MTCL1: variants seen among roughly 807,000 people sequenced by gnomAD.
The protein encoded by MTCL1 is microtubule crosslinking factor 1.
MTCL1 carries 79 observed loss-of-function variants against 141.4 expected under a neutral mutation model. The ratio of observed to expected loss-of-function variants is 0.56; its 90% CI spans 0.47 to 0.67. The LOEUF (loss-of-function observed/expected upper bound fraction) is 0.67. Among genes scored for constraint, MTCL1 ranks in the 30% least tolerant of loss-of-function variants. MTCL1 has a pLI of 0.00. For synonymous variants in MTCL1, 914 were observed against 875.8 expected, an observed-to-expected ratio of 1.04 and a Z score of -0.77; for missense variants, 2,177 against 2,113.9, an observed-to-expected ratio of 1.03 and a Z score of -0.59.
At chr18:8,743,326 C>A (rs1247923535) in intron 4 of MTCL1, among the ~76,000 whole-genome samples, 12 of 152,170 alleles carry the variant, frequency 7.9e-5, no homozygotes, top group African/African-American at 2.9e-4. Context: ...CTTTACTTTT[C>A]CTTTTACTTG....
upstream of MTCL1, among the ~76,000 whole-genome samples, chr18:8,716,332 A>T (rs1376786262): frequency 1.3e-5 from 2 of 152,064 alleles, no homozygotes; most frequent in Non-Finnish European, 2.9e-5. Flanking sequence ...CGTTCTCTTG[A>T]TGGGATAGTG....
At chr18:8,792,698 T>C (rs984957097) in intron 7 of MTCL1, among the ~76,000 whole-genome samples, 3 of 152,332 alleles carry the variant, frequency 2.0e-5, no homozygotes, top group Admixed American at 6.5e-5. Flanking sequence ...ACCTCTGGTG[T>C]ACTTTGACTT....
intron 4 of MTCL1, among the ~76,000 whole-genome samples, chr18:8,736,470 C>T (rs977548837): frequency 6.6e-6 from 1 of 152,050 alleles, no homozygotes; most frequent in Non-Finnish European, 1.5e-5. Flanking sequence ...TAACACAAAG[C>T]CTGTTTTATA....
intron 4 of MTCL1, among the ~76,000 whole-genome samples, chr18:8,747,644 C>G (rs1459426997): frequency 6.6e-6 from 1 of 152,166 alleles, no homozygotes; most frequent in Non-Finnish European, 1.5e-5. Flanking sequence ...GACTCTGTTT[C>G]CAAATAAGGC....
intron 11 of MTCL1, among the ~76,000 whole-genome samples, chr18:8,808,988 A>G (rs1370773901): frequency 6.6e-6 from 1 of 152,150 alleles, no homozygotes; most frequent in Non-Finnish European, 1.5e-5. Flanking sequence ...ATCTCAAAGG[A>G]TGGACAAGAA....
chr18:8,804,039 A>C (rs563520765), intron 10 of MTCL1, among the ~76,000 whole-genome samples: 17 of 152,280 alleles, frequency 1.1e-4, no homozygotes, highest in Non-Finnish European at 2.4e-4. Context: ...ACTACTCCAA[A>C]ATCTGGATCA....
upstream of MTCL1, among the ~76,000 whole-genome samples, chr18:8,713,422 A>G (rs540236137): frequency 2.0e-5 from 3 of 152,246 alleles, no homozygotes; most frequent in Non-Finnish European, 4.4e-5. Flanking sequence ...CAGAAACATC[A>G]TATGCTCTGC....
At chr18:8,728,044 C>G (rs2096227804) in intron 4 of MTCL1, among the ~76,000 whole-genome samples, 1 of 152,196 alleles carries the variant, frequency 6.6e-6, no homozygotes, top group African/African-American at 2.4e-5. Flanking sequence ...TAATCATTAG[C>G]TGTATTCTCC....
intron 4 of MTCL1, among the ~76,000 whole-genome samples, chr18:8,739,170 A>G (rs2096288773): frequency 6.6e-6 from 1 of 152,208 alleles, no homozygotes; most frequent in South Asian, 2.1e-4. Flanking sequence ...TCTTGAGCCC[A>G]GGAGTTCCAG....
chr18:8,781,799 A>G (rs1024189461), intron 5 of MTCL1, among the ~76,000 whole-genome samples: 3 of 152,240 alleles, frequency 2.0e-5, no homozygotes, highest in African/African-American at 7.2e-5. Context: ...TAGGAGGGGC[A>G]AAGCTAGGAC....
exon 9 of MTCL1, chr18:8,796,365 A>G (rs1456020069): frequency 1.2e-6 from 2 of 1,614,198 alleles, no homozygotes; most frequent in South Asian, 1.1e-5. Context: ...CGGTCCTTGA[A>G]GCAGAACATT....
chr18:8,783,541 C>G lies in MTCL1; in HGVS notation c.429C>G (p.Ala143=), dbSNP rs761007115. 7.5e-6 allele frequency: 12 copies of G among 1,600,602 alleles called. No homozygotes were observed. In the Admixed American group the frequency reaches 1.0e-4, roughly 13 times the overall value. ...TTCTCTCCTGGCAGGATGACAGTGCCGATTTGAGGTGCCAGCTCCAGTTTG... is the reference window on the plus strand; with the variant it reads ...TTCTCTCCTGGCAGGATGACAGTGCGGATTTGAGGTGCCAGCTCCAGTTTG... The change falls in exon 6 of 17, where the codon GCC becomes GCG. Residue 143 remains alanine, a synonymous_variant. Transcript: ENST00000359865.
Position 8,705,786 on chromosome 18 carries a change from C to A in MTCL1, c.126C>A (p.Pro42=). The A allele has an allele frequency of 8.4e-7, 1 of 1,196,936 alleles. No individual in the cohort carries two copies. 74.1% of individuals were successfully genotyped at this position (1,196,936 alleles called of 1,614,324 possible). ...AAAGGCGGCGGCTGCACCGTGCGCC[C>A]TCGCCCGCCAGACCCTTCCTCAAGG... The change falls in exon 1 of 14, where the codon CCC becomes CCA. Residue 42 remains proline (P), a synonymous_variant. Transcript: ENST00000306329. This position sits in a 1 kb window ranked among gnomAD's most constrained non-coding sequence, Gnocchi z 5.2.
chr18:8,747,658 A>G (rs908835646), intron 4 of MTCL1, among the ~76,000 whole-genome samples: 1 of 152,190 alleles, frequency 6.6e-6, no homozygotes, highest in Non-Finnish European at 1.5e-5. Context: ...ATAAGGCCAT[A>G]TTCCCCAGCA....
At chr18:8,750,648 C>G (rs967595835) in intron 4 of MTCL1, among the ~76,000 whole-genome samples, 4 of 152,220 alleles carry the variant, frequency 2.6e-5, no homozygotes, top group African/African-American at 9.6e-5. Context: ...CCCCAAATGC[C>G]TATATCCAGA....
At chr18:8,794,704 G>A (rs1188115799) in intron 8 of MTCL1, among the ~76,000 whole-genome samples, 2 of 152,212 alleles carry the variant, frequency 1.3e-5, no homozygotes, top group African/African-American at 2.4e-5. Context: ...AAGTCCTGGA[G>A]ACTGAGTCAT....
intron 1 of MTCL1, chr18:8,707,019 T>G: frequency 3.2e-6 from 1 of 313,428 alleles, no homozygotes; most frequent in East Asian, 7.3e-5. Context: ...GTAATCGTTT[T>G]GGGGACATCA....
At chr18:8,767,616 C>A (rs2096465459) in intron 4 of MTCL1, among the ~76,000 whole-genome samples, 1 of 152,200 alleles carries the variant, frequency 6.6e-6, no homozygotes, top group Non-Finnish European at 1.5e-5. Context: ...TCATTTCTGT[C>A]TGACTTGAGT....
At chr18:8,718,076 G>A (rs937219176) in intron 2 of MTCL1, 18 of 749,116 alleles carry the variant, frequency 2.4e-5, no homozygotes, top group Non-Finnish European at 3.1e-5. Flanking sequence ...TAGAGATAAA[G>A]GCTTAGGTCA....
Sources: gnomAD v4.1 joint callset for allele counts (sites outside exome capture counted in the v4.1 genomes callset) on GRCh38, gnomAD v4.1.1 for gene constraint, Gnocchi (gnomAD v3.1) non-coding constraint, MANE v1.5 for transcripts, NCBI Gene and HGNC (gene_info 2026-07-23, HGNC 2026-07-21) for gene names.